PHLPP1: variants seen among roughly 807,000 people sequenced by gnomAD.
PHLPP1 encodes the protein PH domain and leucine rich repeat protein phosphatase 1.
Under a neutral mutation model 117.2 loss-of-function variants are expected in PHLPP1, and 42 were observed. The ratio of observed to expected loss-of-function variants is 0.36; its 90% CI spans 0.28 to 0.46. PHLPP1 has a LOEUF of 0.46. Ranked by LOEUF, PHLPP1 falls within the 20% of genes least tolerant of loss-of-function variation. The pLI is 1.00. For synonymous variants in PHLPP1, 1,042 were observed against 970.7 expected (o/e 1.07, Z -1.37); for missense variants, 2,084 against 2,241.9 (o/e 0.93, Z 1.42).
intron 1 of PHLPP1, among the ~76,000 whole-genome samples, chr18:62,797,605 C>T (rs1316500056): frequency 6.6e-6 from 1 of 152,144 alleles, no homozygotes; most frequent in South Asian, 2.1e-4. Flanking sequence ...GGAAATAAGC[C>T]AAGTGCTAAT....
chr18:62,822,703 A>G (rs754437544), intron 1 of PHLPP1, among the ~76,000 whole-genome samples: 1 of 152,196 alleles, frequency 6.6e-6, no homozygotes, highest in Non-Finnish European at 1.5e-5. Context: ...AAGCAAAATA[A>G]ATAAAAGGCA....
Position 62,979,218 on chromosome 18 carries a change from G to T in PHLPP1, c.4941G>T (p.Lys1647Asn), listed in dbSNP as rs1051202328. 4.2e-5 allele frequency: 67 copies of T among 1,609,606 alleles called. No homozygotes were observed. Among genetic ancestry groups the T allele is most frequent in the Non-Finnish European group, 5.4e-5 (64 of 1,178,092 alleles). Residue 1647 changes from lysine to asparagine, a missense_variant, in exon 17 of 17, where the codon AAG (lysine) becomes AAT (asparagine). Physicochemically the swap from Lys to Asn is moderately conservative, Grantham distance 94. Around this residue, in one of 2 missense-constraint regions of PHLPP1, gnomAD observed 1,365 missense variants for 1,605.9 expected, o/e 0.85. Coordinates refer to ENST00000262719, the MANE Select transcript of PHLPP1 (RefSeq NM_194449.4). Reference sequence around the variant, plus strand: ...TGGCTACAGACGCACCTCTTCGAAAGCCTGGAGGCTATTTTGCTGCCCCGG... The same window carrying T: ...TGGCTACAGACGCACCTCTTCGAAATCCTGGAGGCTATTTTGCTGCCCCGG... ...IEVATDAPLRKPGGYFAAPAQ... is the reference protein window; with the variant it reads ...IEVATDAPLRNPGGYFAAPAQ...
At chr18:62,723,192 A>G (rs1393378704) in intron 1 of PHLPP1, among the ~76,000 whole-genome samples, 1 of 152,252 alleles carries the variant, frequency 6.6e-6, no homozygotes, top group Non-Finnish European at 1.5e-5. Flanking sequence ...TGAAAACTCC[A>G]TAAAATACTT....
intron 3 of PHLPP1, 76 bp from the exon 4 acceptor site, chr18:62,860,359 T>C: frequency 8.2e-7 from 1 of 1,219,526 alleles, no homozygotes; most frequent in African/African-American, 1.5e-5. Flanking sequence ...CAAATTGGGA[T>C]TATCTTATTT....
chr18:62,815,359 G>A (rs181797110), intron 1 of PHLPP1, among the ~76,000 whole-genome samples: 1 of 151,988 alleles, frequency 6.6e-6, no homozygotes, highest in Non-Finnish European at 1.5e-5. Flanking sequence ...GGGTTTCACC[G>A]TGTTAGCCAG....
At chr18:62,764,336 G>T (rs1912384871) in intron 1 of PHLPP1, among the ~76,000 whole-genome samples, 1 of 152,108 alleles carries the variant, frequency 6.6e-6, no homozygotes, top group Admixed American at 6.5e-5. Flanking sequence ...TTTGGGTTCT[G>T]CCTCTTCCTT....
At chr18:62,885,013 T>C (rs1048714714) in intron 4 of PHLPP1, among the ~76,000 whole-genome samples, 5 of 152,220 alleles carry the variant, frequency 3.3e-5, no homozygotes, top group African/African-American at 1.2e-4. Context: ...TTGGTTTTAT[T>C]TCCTAAATAT....
In PHLPP1 at chr18:62,880,875, G is replaced by A. The variant is rs1206944211; in HGVS notation, c.2067-14136G>A. On this transcript the variant is annotated intron_variant, in intron 4 of 16. Coordinates refer to ENST00000262719, the MANE Select transcript of PHLPP1 (RefSeq NM_194449.4). ...AATTACCATCTTATGATCTAGAGTG[G>A]TTCTCTATGTAATTTACTTACTGGA... Among the ~76,000 whole-genome samples, 4 of 152,042 alleles carry A rather than the reference G, an allele frequency of 2.6e-5. No homozygotes were observed. In the East Asian group the frequency reaches 5.8e-4, roughly 22 times the overall value.
chr18:62,950,491 A>G lies in PHLPP1; in HGVS notation c.3324+5220A>G, dbSNP rs568220198. On this transcript the variant is annotated intron_variant, in intron 12 of 16. Transcript: ENST00000262719. Reference sequence around the variant, plus strand: ...TGTTTGTTGTTGTTCTTGTCTCTAAAGTAAAATGAAATAGAGAATATCAGC... The same window carrying G: ...TGTTTGTTGTTGTTCTTGTCTCTAAGGTAAAATGAAATAGAGAATATCAGC... Among the ~76,000 whole-genome samples, 46 of 152,362 alleles carry G rather than the reference A, an allele frequency of 3.0e-4. No individual in the cohort carries two copies. In the South Asian group the frequency reaches 9.3e-3, roughly 31 times the overall value.
At chr18:62,799,357 G>A (rs1292876590) in intron 1 of PHLPP1, among the ~76,000 whole-genome samples, 1 of 152,198 alleles carries the variant, frequency 6.6e-6, no homozygotes. Context: ...ATCTCTTGAG[G>A]TGGTTACAAA....
intron 4 of PHLPP1, among the ~76,000 whole-genome samples, chr18:62,875,984 C>T (rs1916041190): frequency 6.6e-6 from 1 of 152,106 alleles, no homozygotes; most frequent in Admixed American, 6.5e-5. Flanking sequence ...CTGCCTGCCT[C>T]AGCCTCCCAA....
chr18:62,819,202 T>C (rs753742526), intron 1 of PHLPP1, among the ~76,000 whole-genome samples: 12 of 152,210 alleles, frequency 7.9e-5, no homozygotes, highest in Admixed American at 1.3e-4. Context: ...CAGTGTATTA[T>C]TCTAAGGTTC....
At chr18:62,935,492 G>C (rs1379650849) in intron 10 of PHLPP1, among the ~76,000 whole-genome samples, 1 of 152,114 alleles carries the variant, frequency 6.6e-6, no homozygotes, top group African/African-American at 2.4e-5. Context: ...ATACCAAAAT[G>C]CTTTTATGAT....
chr18:62,943,430 G>A (rs570234586), intron 11 of PHLPP1, among the ~76,000 whole-genome samples: 125 of 152,188 alleles, frequency 8.2e-4, no homozygotes, highest in Non-Finnish European at 1.4e-3. Flanking sequence ...GTGGCGAGTT[G>A]GAAATTTCTT....
At chr18:62,967,100 G>A (rs1910926191) in intron 14 of PHLPP1, among the ~76,000 whole-genome samples, 1 of 152,134 alleles carries the variant, frequency 6.6e-6, no homozygotes, top group Non-Finnish European at 1.5e-5. Context: ...TCCATAGCAT[G>A]GACATATTAT....
Position 62,717,102 on chromosome 18 carries a change from G to T in PHLPP1, c.1419G>T (p.Val473=). The T allele has an allele frequency of 6.4e-7, 1 of 1,562,760 alleles. No individual in the cohort carries two copies. Among genetic ancestry groups the T allele is most frequent in the Middle Eastern group, 2.2e-4 (1 of 4,462 alleles). ...PPPPPPPTLY[V]QLHGETTRRL... is the part of the protein sequence containing the mutation. ...CGCCCCCGCCGCCCACCCTGTACGT[G>T]CAGCTCCACGGAGAGACCACCCGGC... Residue 473 remains valine (V), a synonymous_variant, in exon 1 of 17, where the codon GTG becomes GTT. Transcript: ENST00000262719.
intron 4 of PHLPP1, among the ~76,000 whole-genome samples, chr18:62,891,121 A>G (rs1916396236): frequency 6.6e-6 from 1 of 152,222 alleles, no homozygotes; most frequent in African/African-American, 2.4e-5. Context: ...AATGTTTGGG[A>G]CATACTATTA....
In PHLPP1 at chr18:62,716,864, C is replaced by T; in HGVS notation, c.1181C>T (p.Pro394Leu). ...ASAPTGVPGQ[P>L]RRPGHPAQPL... is the part of the protein sequence containing the mutation. ...GCCCCGACGGGGGTCCCGGGCCAGC[C>T]CCGCCGTCCCGGCCACCCCGCGCAG... Residue 394 changes from proline (P) to leucine (L), a missense_variant, in exon 1 of 17, where the codon CCC becomes CTC. Around this residue, in one of 2 missense-constraint regions of PHLPP1, gnomAD observed 719 missense variants for 636.0 expected, o/e 1.13. Coordinates refer to ENST00000262719, the MANE Select transcript of PHLPP1 (RefSeq NM_194449.4). This position sits in a 1 kb window ranked among gnomAD's most constrained non-coding sequence, Gnocchi z 5.7. The T allele has an allele frequency of 1.3e-6, 2 of 1,522,690 alleles. No individual in the cohort carries two copies. Among genetic ancestry groups the T allele is most frequent in the Non-Finnish European group, 1.8e-6 (2 of 1,141,220 alleles). 94.3% of individuals were successfully genotyped at this position (1,522,690 alleles called of 1,614,324 possible).
At chr18:62,786,366 A>G (rs1417181181) in intron 1 of PHLPP1, among the ~76,000 whole-genome samples, 1 of 152,136 alleles carries the variant, frequency 6.6e-6, no homozygotes, top group East Asian at 1.9e-4. Context: ...TTGTAGTATC[A>G]CCATTTTGTT....
Sources: gnomAD v4.1 joint callset for allele counts (sites outside exome capture counted in the v4.1 genomes callset) on GRCh38, gnomAD v4.1.1 for gene constraint, gnomAD v4.1.1 regional missense constraint, Gnocchi (gnomAD v3.1) non-coding constraint, MANE v1.5 for transcripts, NCBI Gene and HGNC (gene_info 2026-07-23, HGNC 2026-07-21) for gene names.